The following UBE2D2 variants were observed in gnomAD, a reference collection of about 807,000 sequenced individuals.
UBE2D2 encodes ubiquitin-conjugating enzyme E2 D2.
In UBE2D2, 2 loss-of-function variants were observed where a neutral mutation model predicts 24.2. The ratio of observed to expected loss-of-function variants is 0.08; its 90% CI spans 0.03 to 0.26. The LOEUF (loss-of-function observed/expected upper bound fraction) is 0.26. Ranked by LOEUF, UBE2D2 falls within the 10% of genes least tolerant of loss-of-function variation. UBE2D2 has a pLI of 1.00. For synonymous variants in UBE2D2, 58 were observed against 56.5 expected (o/e 1.03, Z -0.12); for missense variants, 44 against 177.6 (o/e 0.25, Z 4.28).
intron 1 of UBE2D2, among the ~76,000 whole-genome samples, chr5:139,584,305 A>T (rs933395889): frequency 2.6e-5 from 4 of 152,176 alleles, no homozygotes; most frequent in Non-Finnish European, 5.9e-5. Context: ...ATAAGGCTGT[A>T]TACCATGTGG....
intron 6 of UBE2D2, among the ~76,000 whole-genome samples, chr5:139,625,171 C>T (rs1754589547): frequency 7.4e-6 from 1 of 135,420 alleles, no homozygotes; most frequent in African/African-American, 2.6e-5. Context: ...GATCCTCCCA[C>T]CCCAGCCTCC....
At position 139,561,441 on chromosome 5, in the gene UBE2D2, C is replaced by G. The variant is rs894190057; in HGVS notation, c.-351C>G. ...CCTCCGGCTGTCCGACCAAGAGAGGCCGGCCGAGCCCGAGGCTTGGGCTTT... is the reference window on the plus strand; with the variant it reads ...CCTCCGGCTGTCCGACCAAGAGAGGGCGGCCGAGCCCGAGGCTTGGGCTTT... On this transcript the variant is annotated 5_prime_UTR_variant, in exon 1 of 7. Transcript: ENST00000398733. 3 of 264,222 alleles carry G rather than the reference C, an allele frequency of 1.1e-5. No individual in the cohort carries two copies. Among genetic ancestry groups the G allele is most frequent in the Non-Finnish European group, 2.2e-5 (3 of 139,454 alleles). 16.4% of individuals were successfully genotyped at this position (264,222 alleles called of 1,614,324 possible).
intron 1 of UBE2D2, among the ~76,000 whole-genome samples, chr5:139,527,483 G>T (rs567773302): frequency 1.4e-3 from 217 of 152,322 alleles, no homozygotes; most frequent in African/African-American, 5.1e-3. Context: ...TTTGCTAAAA[G>T]TTAACAGTGT....
chr5:139,599,033 A>G (rs547539545), intron 1 of UBE2D2, among the ~76,000 whole-genome samples: 40 of 148,730 alleles, frequency 2.7e-4, no homozygotes, highest in Non-Finnish European at 4.0e-4. Context: ...GGTTCAAGCA[A>G]TACTCCTGCT....
At chr5:139,541,599 CA>C (rs892398676) in intron 1 of UBE2D2, among the ~76,000 whole-genome samples, 5,929 of 58,510 alleles carry the variant, frequency 0.1, 101 homozygotes, top group South Asian at 0.18. Flanking sequence ...GACTCCATTT[CA>C]AAAAAAAAAA....
chr5:139,613,483 C>T (rs1414349266), intron 2 of UBE2D2, among the ~76,000 whole-genome samples: 1 of 152,174 alleles, frequency 6.6e-6, no homozygotes, highest in Non-Finnish European at 1.5e-5. Flanking sequence ...GCATCATTTT[C>T]TGCATTTGGA....
intron 2 of UBE2D2, among the ~76,000 whole-genome samples, chr5:139,606,171 T>G (rs1008010286): frequency 6.6e-6 from 1 of 152,056 alleles, no homozygotes; most frequent in African/African-American, 2.4e-5. Flanking sequence ...TTTGTTTGTT[T>G]GTTTTTTTGA....
intron 1 of UBE2D2, chr5:139,562,466 T>A: frequency 3.9e-6 from 5 of 1,275,412 alleles, no homozygotes; most frequent in Non-Finnish European, 5.1e-6. Flanking sequence ...TTGAGGTTGC[T>A]GTATGTAGTT....
At chr5:139,565,319 C>A (rs1034243756) in intron 1 of UBE2D2, among the ~76,000 whole-genome samples, 13 of 152,092 alleles carry the variant, frequency 8.5e-5, no homozygotes, top group African/African-American at 3.1e-4. Flanking sequence ...TTTTGATATA[C>A]ATCTTAAGGT....
At chr5:139,528,464 G>C (rs894286554) in intron 1 of UBE2D2, among the ~76,000 whole-genome samples, 2 of 152,138 alleles carry the variant, frequency 1.3e-5, no homozygotes, top group South Asian at 4.1e-4. Context: ...CAGAATGTAG[G>C]GCCCTGACCA....
At chr5:139,600,789 C>T (rs403583) in intron 2 of UBE2D2, among the ~76,000 whole-genome samples, 9,331 of 152,068 alleles carry the variant, frequency 0.061, 335 homozygotes, top group South Asian at 0.11. Context: ...CTCATACTTG[C>T]GAAATCAGGT....
intron 1 of UBE2D2, among the ~76,000 whole-genome samples, chr5:139,583,861 C>T (rs1416351304): frequency 6.6e-6 from 1 of 152,174 alleles, no homozygotes; most frequent in African/African-American, 2.4e-5. Context: ...CACATAATGA[C>T]ATTTTGGTCA....
intron 2 of UBE2D2, among the ~76,000 whole-genome samples, chr5:139,608,804 G>T (rs1363148325): frequency 6.6e-6 from 1 of 152,146 alleles, no homozygotes; most frequent in African/African-American, 2.4e-5. Context: ...CTGATTTAAG[G>T]CCGGGCCTGG....
chr5:139,625,794 G>A (rs958416801), intron 6 of UBE2D2, among the ~76,000 whole-genome samples: 4 of 151,446 alleles, frequency 2.6e-5, no homozygotes, highest in African/African-American at 4.8e-5. Context: ...CAGTAGAGAC[G>A]GGATTTTGCC....
In UBE2D2 at chr5:139,598,128, C is replaced by G. The variant is rs150739036; in HGVS notation, c.25-2244C>G. On this transcript the variant is annotated intron_variant, in intron 1 of 6. Transcript: ENST00000398733. ...ATGTTAGCCAGGATGGTCTCGATCT[C>G]CTGACCTCGTGATCTGCCTGCCTCA... 7.7e-3 allele frequency among the ~76,000 whole-genome samples: 1,176 copies of G among 152,284 alleles called. 8 individuals carry two copies. The highest frequency in any genetic ancestry group is 0.041 in the Middle Eastern group (12 of 294).
At chr5:139,567,975 G>C (rs899960880) in intron 1 of UBE2D2, among the ~76,000 whole-genome samples, 6 of 152,214 alleles carry the variant, frequency 3.9e-5, no homozygotes, top group African/African-American at 1.4e-4. Flanking sequence ...CTTTGAAAAT[G>C]TCTGAGATTG....
At position 139,628,070 on chromosome 5, in the gene UBE2D2, A is replaced by G. The variant is rs956796343; in HGVS notation, c.*1269A>G. 1.3e-5 allele frequency: 2 copies of G among 152,662 alleles called. No homozygotes were observed. The highest frequency in any genetic ancestry group is 4.8e-5 in the African/African-American group (2 of 41,466). The allele number at this position is 152,662 out of a possible 1,614,324, so 9.5% of individuals were successfully genotyped here. A position where few individuals can be genotyped will look rare whatever the true frequency, so the allele number is the denominator to read the frequency against. On this transcript the variant is annotated 3_prime_UTR_variant, in exon 7 of 7. Coordinates refer to ENST00000398733, the MANE Select transcript of UBE2D2 (RefSeq NM_003339.3). ...TAAGCTTCTGTGATTGTAATTATAA[A>G]AGAGCAACATTGACCAAACCTGGGA...
chr5:139,584,104 T>A (rs1414394783), intron 1 of UBE2D2, among the ~76,000 whole-genome samples: 1 of 152,210 alleles, frequency 6.6e-6, no homozygotes, highest in Non-Finnish European at 1.5e-5. Flanking sequence ...CCAGAGCAAC[T>A]TCCAGTCTTG....
chr5:139,571,243 C>T (rs1416729437), intron 1 of UBE2D2, among the ~76,000 whole-genome samples: 1 of 151,898 alleles, frequency 6.6e-6, no homozygotes, highest in Non-Finnish European at 1.5e-5. Context: ...CCCATCTCTA[C>T]TAAAAATACA....
Sources: allele counts gnomAD v4.1 joint callset (sites outside exome capture counted in the v4.1 genomes callset), GRCh38; gene constraint gnomAD v4.1.1; transcripts MANE v1.5; gene names NCBI Gene and HGNC (gene_info 2026-07-23, HGNC 2026-07-21).